Variants in ANKFN1 observed in about 807,000 individuals in gnomAD.
ANKFN1 encodes ankyrin repeat and fibronectin type-III domain-containing protein 1.
A neutral mutation model predicts 108.7 loss-of-function variants in ANKFN1; 74 were observed. The observed-to-expected ratio is 0.68, with a 90% CI of 0.56 to 0.83. ANKFN1 has a LOEUF of 0.83. ANKFN1 is among the 40% of genes least tolerant of loss of function. The probability of loss-of-function intolerance (pLI) is 0.00; values close to 1 mark genes in which losing one functional copy is unlikely to be tolerated. For missense variants in ANKFN1, 1,505 were observed against 1,382.3 expected, an observed-to-expected ratio of 1.09 and a Z score of -1.41; for synonymous variants, 547 against 516.2, an observed-to-expected ratio of 1.06 and a Z score of -0.81.
intron 4 of ANKFN1, among the ~76,000 whole-genome samples, chr17:56,074,681 C>G (rs1905160895): frequency 2.0e-5 from 3 of 152,192 alleles, no homozygotes; most frequent in Admixed American, 2.0e-4. Context: ...GTTCCATCAG[C>G]TCCTATTTCT....
chr17:56,248,090 A>T (rs2043157838), intron 3 of ANKFN1, among the ~76,000 whole-genome samples: 1 of 152,202 alleles, frequency 6.6e-6, no homozygotes, highest in Non-Finnish European at 1.5e-5. Flanking sequence ...AAGAAGTAAC[A>T]TTGCTGGAGC....
chr17:56,258,600 A>G (rs918659945), intron 3 of ANKFN1, among the ~76,000 whole-genome samples: 1 of 152,144 alleles, frequency 6.6e-6, no homozygotes, highest in Non-Finnish European at 1.5e-5. Flanking sequence ...AGCATCTAGT[A>G]CTGGCATCTT....
intron 2 of ANKFN1, among the ~76,000 whole-genome samples, chr17:56,220,369 A>G (rs1163962843): frequency 6.6e-6 from 1 of 152,204 alleles, no homozygotes; most frequent in African/African-American, 2.4e-5. Flanking sequence ...ATAAAGAAAT[A>G]GCTTCTGGAT....
intron 8 of ANKFN1, among the ~76,000 whole-genome samples, chr17:56,385,626 A>G (rs1479819320): frequency 6.6e-6 from 1 of 152,250 alleles, no homozygotes; most frequent in Non-Finnish European, 1.5e-5. Flanking sequence ...ATTTACAAGA[A>G]AAAAACGAAC....
chr17:56,179,349 A>G (rs1911466021), intron 1 of ANKFN1, among the ~76,000 whole-genome samples: 2 of 152,224 alleles, frequency 1.3e-5, no homozygotes, highest in Admixed American at 1.3e-4. Context: ...CAGGAGAAAT[A>G]GGCCAGGCTC....
chr17:56,147,562 T>A (rs1353592657), intron 4 of ANKFN1, among the ~76,000 whole-genome samples: 1 of 152,108 alleles, frequency 6.6e-6, no homozygotes, highest in Non-Finnish European at 1.5e-5. Context: ...GATAAAACCA[T>A]CAGATCTCAT....
chr17:56,293,645 C>T (rs571937698), intron 3 of ANKFN1, among the ~76,000 whole-genome samples: 62 of 152,240 alleles, frequency 4.1e-4, no homozygotes, highest in African/African-American at 1.4e-3. Flanking sequence ...CAGGTGATGA[C>T]CCACGAAGGA....
intron 4 of ANKFN1, among the ~76,000 whole-genome samples, chr17:56,144,910 C>T (rs984522237): frequency 3.3e-5 from 5 of 152,178 alleles, no homozygotes; most frequent in African/African-American, 1.2e-4. Flanking sequence ...TCAGGATTTT[C>T]TTTTTCCTCC....
intron 14 of ANKFN1, among the ~76,000 whole-genome samples, chr17:56,459,890 A>G (rs1297525845): frequency 1.3e-5 from 2 of 152,118 alleles, no homozygotes; most frequent in Non-Finnish European, 2.9e-5. Context: ...TTCATAATGC[A>G]TCAGCCCACT....
intron 3 of ANKFN1, among the ~76,000 whole-genome samples, chr17:56,238,897 T>C (rs1357298980): frequency 6.6e-6 from 1 of 152,102 alleles, no homozygotes; most frequent in African/African-American, 2.4e-5. Context: ...GGGTAGGAAG[T>C]GGGAAGAAGA....
chr17:56,433,649 A>G lies in ANKFN1; in HGVS notation c.911-6678A>G, dbSNP rs1437435395. ...GCTATGAGGATACAAAGGCATAAGA[A>G]TGACACGATGGACTTTGAGACTCAA... On this transcript the variant is annotated intron_variant, in intron 8 of 20. Transcript: ENST00000682825. Among the ~76,000 whole-genome samples the G allele has an allele frequency of 4.6e-5, 7 of 152,214 alleles. No homozygotes were observed. In the South Asian group the frequency reaches 8.3e-4, roughly 18 times the overall value.
chr17:56,283,897 TA>T lies in ANKFN1; in HGVS notation c.54-42315del, dbSNP rs899641800. Among the ~76,000 whole-genome samples the T allele has an allele frequency of 4.6e-4, 69 of 151,538 alleles. 1 individual carries two copies. In the East Asian group the frequency reaches 9.9e-3, roughly 22 times the overall value. ...CCCCCAAAAACCTATGGAAATAAAT[TA>T]AAAAAAAATCTTATTCTTTTTTAAC... On this transcript the variant is annotated intron_variant, in intron 3 of 20. Transcript: ENST00000682825.
At chr17:56,441,258 G>A (rs2049093720) in intron 9 of ANKFN1, among the ~76,000 whole-genome samples, 1 of 152,066 alleles carries the variant, frequency 6.6e-6, no homozygotes, top group Non-Finnish European at 1.5e-5. Context: ...GATGAGGGAA[G>A]TAGAGGGATA....
At chr17:56,447,084 C>T (rs1358139814) in intron 10 of ANKFN1, among the ~76,000 whole-genome samples, 2 of 151,438 alleles carry the variant, frequency 1.3e-5, no homozygotes, top group Non-Finnish European at 2.9e-5. Context: ...TTAACCAGGC[C>T]TGCTGGCACA....
At position 56,507,508 on chromosome 17, in the gene ANKFN1, C is replaced by G. The variant is rs188972009; in HGVS notation, c.2645-2965C>G. The stretch of plus-strand genomic sequence containing the variant: ...TCAACCATTCTCTCTCCAATAGTTT[C>G]TTCTTCTCCACACTCACAAATACCT... On this transcript the variant is annotated intron_variant, in intron 20 of 20. Transcript: ENST00000682825. Among the ~76,000 whole-genome samples the G allele has an allele frequency of 2.5e-3, 386 of 152,234 alleles. 2 individuals carry two copies. Among genetic ancestry groups the G allele is most frequent in the African/African-American group, 8.6e-3 (359 of 41,552 alleles).
At chr17:56,065,871 T>C (rs1299569665) in intron 4 of ANKFN1, among the ~76,000 whole-genome samples, 2 of 152,178 alleles carry the variant, frequency 1.3e-5, no homozygotes, top group African/African-American at 2.4e-5. Flanking sequence ...AGACACAAAG[T>C]GAGCACATGC....
Position 56,499,094 on chromosome 17 carries a change from G to C in ANKFN1, c.2640G>C (p.Val880=). 1 of 1,535,362 alleles carries C rather than the reference G, an allele frequency of 6.5e-7. No individual in the cohort carries two copies. The highest frequency in any genetic ancestry group is 8.7e-7 in the Non-Finnish European group (1 of 1,146,426). ...PSPEMHRRKT[V]SDSQPCSDEE... Reference sequence around the variant, plus strand: ...CAGAGATGCACAGAAGAAAGACAGTGAGTGGTAAGCAATGAGATCTGAAGT... The same window carrying C: ...CAGAGATGCACAGAAGAAAGACAGTCAGTGGTAAGCAATGAGATCTGAAGT... The change falls in exon 20 of 21, where the codon GTG becomes GTC. Residue 880 remains valine, a synonymous_variant. Transcript: ENST00000682825.
At chr17:56,279,261 T>C (rs991091167) in intron 3 of ANKFN1, among the ~76,000 whole-genome samples, 5 of 152,230 alleles carry the variant, frequency 3.3e-5, no homozygotes, top group African/African-American at 9.6e-5. Context: ...TAATTTCCAT[T>C]TTCTAAACAG....
intron 8 of ANKFN1, among the ~76,000 whole-genome samples, chr17:56,436,717 C>G (rs570741804): frequency 2.2e-4 from 33 of 151,764 alleles, no homozygotes; most frequent in Admixed American, 8.6e-4. Flanking sequence ...GTAATCCGAG[C>G]TACTTGGGAG....
Sources: allele counts gnomAD v4.1 joint callset (sites outside exome capture counted in the v4.1 genomes callset), GRCh38; gene constraint gnomAD v4.1.1; transcripts MANE v1.5; gene names NCBI Gene and HGNC (gene_info 2026-07-23, HGNC 2026-07-21).